Variants in GLIS3 observed in about 807,000 individuals in gnomAD.
The protein encoded by GLIS3 is zinc finger protein GLIS3.
In GLIS3, 53 loss-of-function variants were observed where a neutral mutation model predicts 78.6. The observed-to-expected ratio is 0.67, with a 90% confidence interval of 0.54 to 0.85. The LOEUF (loss-of-function observed/expected upper bound fraction) is 0.85. Ranked by LOEUF, GLIS3 falls within the 40% of genes least tolerant of loss-of-function variation. The pLI is 0.00. For missense variants in GLIS3, 1,703 were observed against 1,231.1 expected, an observed-to-expected ratio of 1.38 and a Z score of -5.74; for synonymous variants, 684 against 509.9, an observed-to-expected ratio of 1.34 and a Z score of -4.60.
chr9:4,295,618 G>A (rs1362669721), intron 1 of GLIS3, among the ~76,000 whole-genome samples: 1 of 152,174 alleles, frequency 6.6e-6, no homozygotes, highest in Admixed American at 6.5e-5. Context: ...GTTACCTTAG[G>A]CAGAGGTGGT....
At chr9:4,040,472 T>A (rs1033978199) in intron 4 of GLIS3, among the ~76,000 whole-genome samples, 5 of 152,108 alleles carry the variant, frequency 3.3e-5, no homozygotes, top group African/African-American at 1.2e-4. Context: ...AAGGAAGACA[T>A]CCCCGCTGAT....
chr9:4,329,348 G>A (rs1001283704), intron 2 of GLIS3, among the ~76,000 whole-genome samples: 1 of 152,076 alleles, frequency 6.6e-6, no homozygotes, highest in Admixed American at 6.5e-5. Flanking sequence ...GATAATTAAT[G>A]TTTTCATTTT....
chr9:3,976,843 A>AAAAAAAG (rs1818842174), intron 4 of GLIS3, among the ~76,000 whole-genome samples: 2 of 112,374 alleles, frequency 1.8e-5, no homozygotes, highest in Non-Finnish European at 3.7e-5. Context: ...AAAAAAAAAA[A>AAAAAAAG]TCCACAATCG....
intron 4 of GLIS3, among the ~76,000 whole-genome samples, chr9:3,950,900 C>T (rs990865335): frequency 1.3e-5 from 2 of 152,216 alleles, no homozygotes; most frequent in African/African-American, 2.4e-5. Flanking sequence ...TGAAACTATG[C>T]TTCTAGGGCT....
At chr9:4,336,272 T>A (rs1817756364) in intron 2 of GLIS3, among the ~76,000 whole-genome samples, 1 of 152,234 alleles carries the variant, frequency 6.6e-6, no homozygotes, top group Non-Finnish European at 1.5e-5. Context: ...GGTTTCCTCT[T>A]CTTTAGCTCT....
At chr9:4,403,479 C>A in the GLIS3 span, among the ~76,000 whole-genome samples, 1 of 152,078 alleles carries the variant, frequency 6.6e-6, no homozygotes, top group South Asian at 2.1e-4. Flanking sequence ...AAATGATGAA[C>A]CACTCAAAAA....
At chr9:3,994,814 A>G (rs1440444058) in intron 4 of GLIS3, among the ~76,000 whole-genome samples, 1 of 152,218 alleles carries the variant, frequency 6.6e-6, no homozygotes, top group African/African-American at 2.4e-5. Context: ...CAGCACATCT[A>G]AAAATGGCGG....
chr9:4,057,969 T>A (rs1201213425), intron 4 of GLIS3, among the ~76,000 whole-genome samples: 1 of 152,184 alleles, frequency 6.6e-6, no homozygotes, highest in Non-Finnish European at 1.5e-5. Context: ...GTATAGGTGT[T>A]TATCTTTATT....
chr9:4,021,867 A>T (rs474546), intron 4 of GLIS3, among the ~76,000 whole-genome samples: 1 of 152,096 alleles, frequency 6.6e-6, no homozygotes, highest in South Asian at 2.1e-4. Context: ...CGGGCACAAC[A>T]TATCTCTAAC....
At chr9:4,022,669 C>T (rs542813865) in intron 4 of GLIS3, among the ~76,000 whole-genome samples, 5 of 152,194 alleles carry the variant, frequency 3.3e-5, no homozygotes, top group Admixed American at 2.6e-4. Context: ...AAACTGGAAA[C>T]GGTCCCACAG....
chr9:3,895,893 C>A (rs528033712), intron 7 of GLIS3, among the ~76,000 whole-genome samples: 1 of 152,174 alleles, frequency 6.6e-6, no homozygotes, highest in Admixed American at 6.5e-5. Flanking sequence ...ACATACTCAA[C>A]GGGTTTCCAT....
At chr9:4,342,257 T>C (rs1037675312) in intron 2 of GLIS3, among the ~76,000 whole-genome samples, 18 of 152,208 alleles carry the variant, frequency 1.2e-4, no homozygotes, top group African/African-American at 4.3e-4. Context: ...CATCTTGAGT[T>C]AATTTTTGTG....
At chr9:4,307,743 CCA>C (rs1454269070) in intron 4 of GLIS3, among the ~76,000 whole-genome samples, 1 of 152,022 alleles carries the variant, frequency 6.6e-6, no homozygotes, top group Non-Finnish European at 1.5e-5. Context: ...AACTATGTTA[CCA>C]GGTTTGAAGG....
At chr9:4,152,627 T>C (rs1158967376) in intron 2 of GLIS3, among the ~76,000 whole-genome samples, 2 of 152,202 alleles carry the variant, frequency 1.3e-5, no homozygotes, top group Non-Finnish European at 2.9e-5. Context: ...CTCTCTCCTT[T>C]TCACAAAGTT....
chr9:4,370,048 C>T, the GLIS3 span, among the ~76,000 whole-genome samples: 18 of 151,964 alleles, frequency 1.2e-4, no homozygotes, highest in African/African-American at 2.2e-4. Flanking sequence ...AAAAATTAGC[C>T]GGGCCTGGTG....
chr9:4,272,762 A>C lies in GLIS3; in HGVS notation c.388+13276T>G, dbSNP rs534762916. ...AGGCTAATCCTTTCAAGTAGGTTGA[A>C]TGACTTGATCGGAAGGCTGTTAAGA... On this transcript the variant is annotated intron_variant, in intron 2 of 10. Coordinates refer to ENST00000381971, the MANE Select transcript of GLIS3 (RefSeq NM_001042413.2). Among the ~76,000 whole-genome samples, 10 of 152,342 alleles carry C rather than the reference A, an allele frequency of 6.6e-5. No homozygotes were observed. In the South Asian group the frequency reaches 8.3e-4, roughly 13 times the overall value.
intron 4 of GLIS3, among the ~76,000 whole-genome samples, chr9:4,041,070 G>T (rs1318869459): frequency 6.6e-6 from 1 of 152,218 alleles, no homozygotes; most frequent in African/African-American, 2.4e-5. Flanking sequence ...TCAAGAAGGT[G>T]TTCATTACAC....
At chr9:4,224,995 G>A (rs982950076) in intron 2 of GLIS3, among the ~76,000 whole-genome samples, 2 of 151,126 alleles carry the variant, frequency 1.3e-5, no homozygotes, top group South Asian at 4.2e-4. Flanking sequence ...TATTTATATA[G>A]ATCTTCCTAC....
At chr9:4,435,858 A>C in the GLIS3 span, among the ~76,000 whole-genome samples, 28 of 152,342 alleles carry the variant, frequency 1.8e-4, no homozygotes, top group Non-Finnish European at 2.1e-4. Flanking sequence ...CTGAGGCAGG[A>C]GAATGGCATA....
Sources: allele counts gnomAD v4.1 joint callset (sites outside exome capture counted in the v4.1 genomes callset), GRCh38; gene constraint gnomAD v4.1.1; transcripts MANE v1.5; gene names NCBI Gene and HGNC (gene_info 2026-07-23, HGNC 2026-07-21).